The following KDM3B variants were observed in gnomAD, a reference collection of about 807,000 sequenced individuals.
The protein encoded by KDM3B is lysine-specific demethylase 3B.
Under a neutral mutation model 170.0 loss-of-function variants are expected in KDM3B, and 10 were observed. The ratio of observed to expected loss-of-function variants is 0.06; its 90% CI spans 0.04 to 0.10. KDM3B has a LOEUF of 0.10. Among genes scored for constraint, KDM3B ranks in the 10% least tolerant of loss-of-function variants. The pLI is 1.00. For missense variants in KDM3B, 1,394 were observed against 2,195.2 expected (o/e 0.64, Z 7.29); for synonymous variants, 831 against 834.8 (o/e 1.00, Z 0.08).
chr5:138,378,799 C>A (rs1240823645), intron 4 of KDM3B, among the ~76,000 whole-genome samples: 1 of 143,442 alleles, frequency 7.0e-6, no homozygotes, highest in African/African-American at 2.5e-5. Context: ...TTATATATAT[C>A]ATGATATATA....
At chr5:138,389,661 A>G (rs1234624212) in intron 7 of KDM3B, among the ~76,000 whole-genome samples, 2 of 152,100 alleles carry the variant, frequency 1.3e-5, no homozygotes, top group Non-Finnish European at 2.9e-5. Flanking sequence ...ATCATCCTCT[A>G]CTACTTGAAA....
intron 17 of KDM3B, 144 bp downstream of exon 17, chr5:138,425,726 AGCCGGGC>A (rs1372575685): frequency 2.5e-5 from 19 of 753,880 alleles, no homozygotes; most frequent in Admixed American, 6.0e-5. Context: ...AAAAACAGAC[AGCCGGGC>A]GTGGTTGCTC....
chr5:138,376,166 C>T (rs1284203928), intron 3 of KDM3B, among the ~76,000 whole-genome samples: 3 of 150,054 alleles, frequency 2.0e-5, no homozygotes, highest in Admixed American at 6.6e-5. Flanking sequence ...TTAGTAGAGA[C>T]GGGGTTTTGC....
chr5:138,392,405 C>G, intron 8 of KDM3B, 144 bp downstream of exon 8: 5 of 847,302 alleles, frequency 5.9e-6, no homozygotes, highest in Non-Finnish European at 6.5e-6. Flanking sequence ...CTGGCAGAGG[C>G]CCCTCGTCAG....
At chr5:138,428,940 C>CTTTTTTTTTTTTTTT (rs397884825) in intron 20 of KDM3B, among the ~76,000 whole-genome samples, 1 of 101,236 alleles carries the variant, frequency 9.9e-6, no homozygotes, top group Non-Finnish European at 2.1e-5. Flanking sequence ...GGGATAATTT[C>CTTTTTTTTTTTTTTT]TTTTTTTTTT....
At chr5:138,376,255 G>C (rs1013379528) in intron 3 of KDM3B, among the ~76,000 whole-genome samples, 9 of 152,118 alleles carry the variant, frequency 5.9e-5, no homozygotes, top group African/African-American at 2.2e-4. Context: ...TGGGATTACA[G>C]GCGTGAGCCA....
intron 1 of KDM3B, among the ~76,000 whole-genome samples, chr5:138,359,464 C>G (rs1031084340): frequency 1.4e-5 from 2 of 142,122 alleles, no homozygotes; most frequent in African/African-American, 5.0e-5. Context: ...GCCCCCCCCA[C>G]CTTTTTTTTT....
intron 1 of KDM3B, among the ~76,000 whole-genome samples, chr5:138,356,958 A>G (rs371135232): frequency 6.1e-5 from 9 of 146,896 alleles, no homozygotes; most frequent in East Asian, 2.0e-4. Flanking sequence ...GACTTTTTTT[A>G]TGGGTTGCTT....
intron 1 of KDM3B, among the ~76,000 whole-genome samples, chr5:138,354,508 T>A (rs1267423603): frequency 6.6e-6 from 1 of 152,184 alleles, no homozygotes; most frequent in Non-Finnish European, 1.5e-5. Flanking sequence ...TTCATTGGGA[T>A]TTTTTTCTGG....
intron 11 of KDM3B, among the ~76,000 whole-genome samples, chr5:138,403,809 A>G (rs557384012): frequency 2.7e-4 from 41 of 150,732 alleles, no homozygotes; most frequent in African/African-American, 9.8e-4. Context: ...CCTAGGCAAT[A>G]TAGCAAGACC....
At chr5:138,409,806 G>A (rs1038938316) in intron 11 of KDM3B, among the ~76,000 whole-genome samples, 1 of 152,186 alleles carries the variant, frequency 6.6e-6, no homozygotes, top group African/African-American at 2.4e-5. Context: ...AAAATAGGCC[G>A]AGCGCCGTGG....
chr5:138,424,517 A>G (rs1238347860), intron 16 of KDM3B, among the ~76,000 whole-genome samples, 176 bp downstream of exon 16: 3 of 152,160 alleles, frequency 2.0e-5, no homozygotes, highest in African/African-American at 7.2e-5. Flanking sequence ...GCCAGGCACT[A>G]TAGCTCACGC....
In KDM3B at chr5:138,399,878, G is replaced by A. The variant is rs144973220; in HGVS notation, c.3065G>A (p.Arg1022Gln). ...CCACCAGAGAAAGTGGCATGGAAGC[G>A]AGCTGTGCGTGGTGTACGGGAGATG... is the stretch of plus-strand genomic sequence containing the variant. ...VEPHQKVAWK[R>Q]AVRGVREMCD... Residue 1022 changes from arginine to glutamine, a missense_variant, in exon 11 of 24, where the codon CGA (arginine) becomes CAA (glutamine). Coordinates refer to ENST00000314358, the MANE Select transcript of KDM3B (RefSeq NM_016604.4). The A allele has an allele frequency of 1.2e-6, 2 of 1,612,840 alleles. No individual in the cohort carries two copies. Among genetic ancestry groups the A allele is most frequent in the African/African-American group, 1.3e-5 (1 of 74,878 alleles).
intron 10 of KDM3B, 121 bp downstream of exon 10, chr5:138,398,513 A>G: frequency 1.3e-6 from 1 of 771,820 alleles, no homozygotes; most frequent in Non-Finnish European, 2.1e-6. Flanking sequence ...ATTAAGACCG[A>G]TAAGACTTCT....
chr5:138,381,431 AAG>A, intron 5 of KDM3B, 83 bp from the exon 6 acceptor site: 1 of 856,500 alleles, frequency 1.2e-6, no homozygotes, highest in East Asian at 2.5e-5. Flanking sequence ...TGAATCAATA[AAG>A]AGATAATTAC....
In KDM3B at chr5:138,419,203, C is replaced by T; in HGVS notation, c.3686C>T (p.Ala1229Val). 2.5e-6 allele frequency: 4 copies of T among 1,614,144 alleles called. No homozygotes were observed. Among genetic ancestry groups the T allele is most frequent in the Middle Eastern group, 1.7e-4 (1 of 6,048 alleles). ...SSALHWLADL[A>V]TQKAKEETKE... ...GCCCTGCACTGGTTGGCAGATTTAGCAACTCAGAAGGCTAAAGAAGAAACA... is the reference window on the plus strand; with the variant it reads ...GCCCTGCACTGGTTGGCAGATTTAGTAACTCAGAAGGCTAAAGAAGAAACA... Residue 1229 changes from alanine to valine, a missense_variant, in exon 14 of 24, where the codon GCA (alanine) becomes GTA (valine). By Grantham distance (64) the Ala-to-Val change is moderately conservative. Coordinates refer to ENST00000314358, the MANE Select transcript of KDM3B (RefSeq NM_016604.4).
In KDM3B at chr5:138,381,559, T is replaced by A; in HGVS notation, c.749T>A (p.Met250Lys). The part of the protein sequence containing the change: ...KSVDPRLIHV[M>K]LMDNSAPQSE... ...GTAGATCCCAGACTAATCCATGTGA[T>A]GCTGATGGATAATTCAGCGCCTCAA... The change falls in exon 6 of 24, where the codon ATG (methionine) becomes AAG (lysine). Residue 250 changes from methionine to lysine, a missense_variant. Physicochemically the swap from Met to Lys is moderately conservative, Grantham distance 95 (BLOSUM62 -1). Coordinates refer to ENST00000314358, the MANE Select transcript of KDM3B (RefSeq NM_016604.4). 1.2e-6 allele frequency: 2 copies of A among 1,605,924 alleles called. No homozygotes were observed. The highest frequency in any genetic ancestry group is 1.7e-6 in the Non-Finnish European group (2 of 1,172,380).
chr5:138,410,347 C>T (rs1241170926), intron 11 of KDM3B, among the ~76,000 whole-genome samples: 1 of 152,100 alleles, frequency 6.6e-6, no homozygotes, highest in Non-Finnish European at 1.5e-5. Context: ...AATTAAGACA[C>T]TGTGGTAAGG....
chr5:138,397,999 A>G (rs551853380), intron 9 of KDM3B, 179 bp from the exon 10 acceptor site: 5 of 558,548 alleles, frequency 9.0e-6, no homozygotes, highest in Non-Finnish European at 9.5e-6. Context: ...TAGACCTACT[A>G]AATGTTATGT....
Sources: gnomAD v4.1 joint callset for allele counts (sites outside exome capture counted in the v4.1 genomes callset) on GRCh38, gnomAD v4.1.1 for gene constraint, MANE v1.5 for transcripts, NCBI Gene and HGNC (gene_info 2026-07-23, HGNC 2026-07-21) for gene names.